The following ANXA3 variants were observed in gnomAD, a reference collection of about 807,000 sequenced individuals.
ANXA3 encodes the protein annexin A3, also known as 35-alpha calcimedin.
Under a neutral mutation model 48.8 loss-of-function variants are expected in ANXA3, and 46 were observed. The ratio of observed to expected loss-of-function variants is 0.94; its 90% CI spans 0.74 to 1.21. The LOEUF is 1.21. ANXA3 is among the 50% of genes most tolerant of loss of function. ANXA3 has a pLI of 0.00. For synonymous variants in ANXA3, 128 were observed against 134.7 expected, an observed-to-expected ratio of 0.95 and a Z score of 0.35; for missense variants, 383 against 378.6, an observed-to-expected ratio of 1.01 and a Z score of -0.10.
At chr4:78,555,819 C>T (rs1209570357) in intron 2 of ANXA3, among the ~76,000 whole-genome samples, 2 of 151,322 alleles carry the variant, frequency 1.3e-5, no homozygotes, top group Non-Finnish European at 2.9e-5. Context: ...CCACTGTACT[C>T]CAGCTTGGGT....
rs1359254121 is a variant in ANXA3 at position 78,554,457 on chromosome 4, G to C, written c.-17G>C. 3.1e-6 allele frequency: 5 copies of C among 1,611,768 alleles called. No homozygotes were observed. The highest frequency in any genetic ancestry group is 4.2e-6 in the Non-Finnish European group (5 of 1,178,592). On this transcript the variant is annotated 5_prime_UTR_variant, in exon 2 of 13. Coordinates refer to ENST00000264908, the MANE Select transcript of ANXA3 (RefSeq NM_005139.3). ...ATAGATTAGTGTGATCTCAGCTCAAGGCAAAGGTGGGATATCATGGCATCT... is the reference window on the plus strand; with the variant it reads ...ATAGATTAGTGTGATCTCAGCTCAACGCAAAGGTGGGATATCATGGCATCT...
chr4:78,576,311 A>T (rs1034034312), intron 3 of ANXA3, among the ~76,000 whole-genome samples: 1 of 147,076 alleles, frequency 6.8e-6, no homozygotes, highest in Non-Finnish European at 1.5e-5. Context: ...TGATTTCCTT[A>T]TTTTTTTTTT....
chr4:78,574,209 A>G (rs1460370288), intron 3 of ANXA3, among the ~76,000 whole-genome samples: 1 of 152,160 alleles, frequency 6.6e-6, no homozygotes, highest in Non-Finnish European at 1.5e-5. Flanking sequence ...ACTAGAGCCC[A>G]GGAGTTCAAC....
chr4:78,575,673 C>T (rs371347801), intron 3 of ANXA3, among the ~76,000 whole-genome samples: 12 of 152,254 alleles, frequency 7.9e-5, no homozygotes, highest in South Asian at 2.1e-4. Context: ...TTATCAACAA[C>T]GTGAAATGGA....
At chr4:78,565,018 G>A (rs576459586) in intron 2 of ANXA3, among the ~76,000 whole-genome samples, 3 of 145,652 alleles carry the variant, frequency 2.1e-5, no homozygotes, top group African/African-American at 7.6e-5. Context: ...TTTTGAGATG[G>A]AGTCTCGCTC....
chr4:78,554,493 G>A lies in ANXA3; in HGVS notation c.15+5G>A, dbSNP rs756199348. 4 of 1,612,876 alleles carry A rather than the reference G, an allele frequency of 2.5e-6. No homozygotes were observed. The highest frequency in any genetic ancestry group is 1.3e-5 in the African/African-American group (1 of 74,890). On this transcript the variant is annotated splice_donor_5th_base_variant and intron_variant, in intron 2 of 12. Transcript: ENST00000264908. ...GATATCATGGCATCTATCTGGGTAA[G>A]TAAAAATTAAGCCTTCACAACACAG...
chr4:78,598,599 G>A (rs767151248), intron 10 of ANXA3, among the ~76,000 whole-genome samples: 2 of 151,920 alleles, frequency 1.3e-5, no homozygotes, highest in Non-Finnish European at 2.9e-5. Context: ...GAGTGTGGTG[G>A]CGCAATCTCA....
intron 10 of ANXA3, among the ~76,000 whole-genome samples, chr4:78,599,161 T>C (rs7672835): frequency 0.48 from 73,534 of 152,048 alleles, 21,438 homozygotes; most frequent in Non-Finnish European, 0.65. Flanking sequence ...GTTCACCCAC[T>C]CAAAGTGTGC....
intron 12 of ANXA3, among the ~76,000 whole-genome samples, chr4:78,608,759 G>A (rs1022930196): frequency 3.9e-5 from 6 of 152,090 alleles, no homozygotes; most frequent in Non-Finnish European, 7.4e-5. Context: ...TTGGGGGAGT[G>A]GGGGGAGGTT....
intron 6 of ANXA3, among the ~76,000 whole-genome samples, chr4:78,586,725 A>T (rs562270978): frequency 6.6e-6 from 1 of 152,350 alleles, no homozygotes; most frequent in Non-Finnish European, 1.5e-5. Flanking sequence ...GGTGTGGGAA[A>T]TTAGATTAAT....
At chr4:78,557,442 A>G (rs1478668812) in intron 2 of ANXA3, among the ~76,000 whole-genome samples, 1 of 152,218 alleles carries the variant, frequency 6.6e-6, no homozygotes, top group African/African-American at 2.4e-5. Context: ...AGTCTCTTTC[A>G]TCATGAAACA....
rs540840685 is a variant in ANXA3 at position 78,597,561 on chromosome 4, G to A, written c.730+147G>A. 2.3e-5 allele frequency: 13 copies of A among 559,092 alleles called. No individual in the cohort carries two copies. The Admixed American group carries it at 2.6e-4, about 11-fold the overall frequency. 34.6% of individuals were successfully genotyped at this position (559,092 alleles called of 1,614,324 possible). On this transcript the variant is annotated intron_variant, in intron 10 of 12. Transcript: ENST00000264908. ...ACATGGTCCAGGATACACACAGTAC[G>A]CTCAACAAATATTGTTAAATGAATG...
intron 2 of ANXA3, among the ~76,000 whole-genome samples, chr4:78,567,355 C>G (rs898944773): frequency 2.6e-5 from 4 of 152,210 alleles, no homozygotes; most frequent in Non-Finnish European, 5.9e-5. Flanking sequence ...GGGAGAACTT[C>G]TTAGCCTCTT....
In ANXA3 at chr4:78,563,889, C is replaced by A. The variant is rs553323939; in HGVS notation, c.16-9291C>A. Among the ~76,000 whole-genome samples the A allele has an allele frequency of 2.0e-4, 30 of 152,262 alleles. 1 individual carries two copies. Among genetic ancestry groups the A allele is most frequent in the Non-Finnish European group, 3.4e-4 (23 of 68,018 alleles). On this transcript the variant is annotated intron_variant, in intron 2 of 12. Transcript: ENST00000264908. ...AGGGACGTCTCCCGCAGAAGTTACA[C>A]ATGCACAGGGCTGAGTATGTGGCCA...
chr4:78,597,066 T>G (rs1418391856), intron 9 of ANXA3: 2 of 354,278 alleles, frequency 5.6e-6, no homozygotes, highest in East Asian at 7.4e-5. Flanking sequence ...AAATGCTTAC[T>G]GCTTGAGAGA....
intron 2 of ANXA3, among the ~76,000 whole-genome samples, chr4:78,560,735 T>C (rs1171029637): frequency 6.6e-6 from 1 of 152,132 alleles, no homozygotes; most frequent in Non-Finnish European, 1.5e-5. Flanking sequence ...CAGCCATCAT[T>C]CTAAGGCTAT....
At chr4:78,575,325 G>A (rs115494911) in intron 3 of ANXA3, among the ~76,000 whole-genome samples, 5,749 of 150,602 alleles carry the variant, frequency 0.038, 378 homozygotes, top group African/African-American at 0.13. Flanking sequence ...TTTTAACATT[G>A]GTGACATGGT....
Position 78,573,221 on chromosome 4 carries a change from C to A in ANXA3, c.57C>A (p.Ser19Arg), listed in dbSNP as rs943680372. The A allele has an allele frequency of 3.1e-6, 5 of 1,613,428 alleles. No homozygotes were observed. The Admixed American group carries it at 5.0e-5, about 16-fold the overall frequency. Residue 19 changes from serine to arginine, a missense_variant, in exon 3 of 13, where the codon AGC (serine) becomes AGA (arginine). Physicochemically the swap from Ser to Arg is moderately radical, Grantham distance 110 (BLOSUM62 -1). Coordinates refer to ENST00000264908, the MANE Select transcript of ANXA3 (RefSeq NM_005139.3). ...CAGTAAGAGATTATCCAGACTTTAG[C>A]CCATCAGTGGATGCTGAAGCTATTC... is the stretch of plus-strand genomic sequence containing the variant. Reference protein sequence around the residue: ...RGTVRDYPDFSPSVDAEAIQK... With the variant: ...RGTVRDYPDFRPSVDAEAIQK...
chr4:78,566,628 T>C (rs1283788248), intron 2 of ANXA3, among the ~76,000 whole-genome samples: 1 of 127,948 alleles, frequency 7.8e-6, no homozygotes, highest in East Asian at 2.2e-4. Flanking sequence ...CACATTGATA[T>C]AGAGAACGGA....
Sources: allele counts gnomAD v4.1 joint callset (sites outside exome capture counted in the v4.1 genomes callset), GRCh38; gene constraint gnomAD v4.1.1; transcripts MANE v1.5; gene names NCBI Gene and HGNC (gene_info 2026-07-23, HGNC 2026-07-21).